Variants in CCDC68 observed in about 807,000 individuals in gnomAD.
CCDC68 encodes the protein coiled-coil domain-containing protein 68.
Under a neutral mutation model 47.1 loss-of-function variants are expected in CCDC68, and 45 were observed. The observed-to-expected ratio is 0.96, with a 90% CI of 0.75 to 1.23. The LOEUF (loss-of-function observed/expected upper bound fraction) is 1.23, where lower values mean the gene tolerates loss of function less well. Among genes scored for constraint, CCDC68 ranks in the 50% most tolerant of loss-of-function variants. The pLI, the probability that CCDC68 is intolerant of heterozygous loss-of-function variation, is 0.00. For missense variants in CCDC68, 353 were observed against 373.6 expected (o/e 0.94, Z 0.45); for synonymous variants, 131 against 129.5 (o/e 1.01, Z -0.08).
intron 10 of CCDC68, among the ~76,000 whole-genome samples, chr18:54,910,254 C>T (rs552475231): frequency 5.6e-4 from 85 of 152,278 alleles, no homozygotes; most frequent in African/African-American, 1.9e-3. Flanking sequence ...GCTGCCCCAT[C>T]GTCTGTGCAG....
rs1490186430 is a variant in CCDC68 at position 54,959,358 on chromosome 18, C to T, written c.-125G>A. 5.3e-5 allele frequency: 8 copies of T among 152,240 alleles called. No homozygotes were observed. The highest frequency in any genetic ancestry group is 8.8e-5 in the Non-Finnish European group (6 of 68,100). 9.4% of individuals were successfully genotyped at this position (152,240 alleles called of 1,614,324 possible). A position where few individuals can be genotyped will look rare whatever the true frequency, so the allele number is the denominator to read the frequency against. On this transcript the variant is annotated 5_prime_UTR_variant, in exon 1 of 12. Coordinates refer to ENST00000591504, the MANE Select transcript of CCDC68 (RefSeq NM_025214.3). ...TACCTTGTGGGGCGCCCAGCCGACG[C>T]GGGGTCCCGGTGCTGCTCCTCCCCT...
At chr18:54,953,421 GAAGT>G (rs2044652049) in intron 1 of CCDC68, among the ~76,000 whole-genome samples, 1 of 152,070 alleles carries the variant, frequency 6.6e-6, no homozygotes, top group Admixed American at 6.5e-5. Flanking sequence ...GATTTTATCA[GAAGT>G]AACTGGAAGC....
chr18:54,920,190 C>T (rs893539362), intron 8 of CCDC68, among the ~76,000 whole-genome samples: 4 of 151,624 alleles, frequency 2.6e-5, no homozygotes, highest in Non-Finnish European at 4.4e-5. Context: ...GTCACTTGGC[C>T]TTTGCTCTTA....
chr18:54,932,126 A>C (rs7229012), intron 7 of CCDC68, among the ~76,000 whole-genome samples: 4 of 151,856 alleles, frequency 2.6e-5, no homozygotes, highest in Non-Finnish European at 5.9e-5. Flanking sequence ...GCCAAACTTC[A>C]TTCCTTATAG....
intron 10 of CCDC68, among the ~76,000 whole-genome samples, chr18:54,910,903 G>A (rs539982875): frequency 6.6e-6 from 1 of 152,340 alleles, no homozygotes; most frequent in East Asian, 1.9e-4. Flanking sequence ...AGGCACTTCC[G>A]AGCCTGCAAG....
intron 8 of CCDC68, among the ~76,000 whole-genome samples, chr18:54,925,059 A>G (rs954935637): frequency 6.6e-6 from 1 of 152,188 alleles, no homozygotes; most frequent in Admixed American, 6.5e-5. Flanking sequence ...TTATAGATAG[A>G]TAAGAAATAA....
chr18:54,905,991 C>G (rs933219546), intron 11 of CCDC68, among the ~76,000 whole-genome samples: 1 of 152,172 alleles, frequency 6.6e-6, no homozygotes. Flanking sequence ...TGTCTCACCC[C>G]CAGATGGGAC....
intron 8 of CCDC68, among the ~76,000 whole-genome samples, chr18:54,920,174 G>A (rs772164861): frequency 1.0e-3 from 159 of 151,962 alleles, no homozygotes; most frequent in Admixed American, 1.8e-3. Context: ...TTGTGACCTC[G>A]GAGAAGTCAC....
Position 54,942,730 on chromosome 18 carries a change from G to A in CCDC68, c.62C>T (p.Ala21Val), listed in dbSNP as rs770613452. The part of the protein sequence containing the change: ...PPRDKMEDNS[A>V]LYESTSAHII... ...GTGAGCGGACGTAGACTCATACAAG[G>A]CAGAATTATCTTCCATCTTATCCCT... The change falls in exon 3 of 12, where the codon GCC becomes GTC. Residue 21 changes from alanine to valine, a missense_variant. Physicochemically the swap from Ala to Val is moderately conservative, Grantham distance 64. Transcript: ENST00000591504. The A allele has an allele frequency of 1.9e-6, 3 of 1,612,482 alleles. No homozygotes were observed. Among genetic ancestry groups the A allele is most frequent in the Admixed American group, 3.3e-5 (2 of 59,744 alleles).
At chr18:54,905,642 C>G (rs1289974707) in intron 11 of CCDC68, among the ~76,000 whole-genome samples, 1 of 152,034 alleles carries the variant, frequency 6.6e-6, no homozygotes, top group East Asian at 1.9e-4. Flanking sequence ...ACCAAACTAC[C>G]ACTTACATTT....
chr18:54,910,605 C>T (rs1914301411), intron 10 of CCDC68, among the ~76,000 whole-genome samples: 2 of 152,202 alleles, frequency 1.3e-5, no homozygotes, highest in Admixed American at 6.5e-5. Context: ...CCCCTTCTGC[C>T]CAGGAGCCTG....
intron 10 of CCDC68, among the ~76,000 whole-genome samples, chr18:54,917,431 G>A (rs2043972847): frequency 6.6e-6 from 1 of 152,120 alleles, no homozygotes; most frequent in Admixed American, 6.5e-5. Flanking sequence ...CCCATATCGA[G>A]AGAAGTTATC....
At chr18:54,906,293 A>C (rs1408288653) in intron 11 of CCDC68, among the ~76,000 whole-genome samples, 1 of 152,172 alleles carries the variant, frequency 6.6e-6, no homozygotes, top group African/African-American at 2.4e-5. Context: ...CACTTCAATT[A>C]GGAAATTTCC....
At chr18:54,956,110 C>T (rs1234965210) in intron 1 of CCDC68, among the ~76,000 whole-genome samples, 1 of 152,108 alleles carries the variant, frequency 6.6e-6, no homozygotes, top group Non-Finnish European at 1.5e-5. Context: ...CTGCCTCAGC[C>T]TCCCGAGTAG....
chr18:54,938,100 G>A lies in CCDC68; in HGVS notation c.205-3C>T. Reference sequence around the variant, plus strand: ...CCCTGTTGAAGGTTTCCACAGTGCTGAAACGGACAAATGAAAATCATAGAC... The same window carrying A: ...CCCTGTTGAAGGTTTCCACAGTGCTAAAACGGACAAATGAAAATCATAGAC... On this transcript the variant is annotated splice_polypyrimidine_tract_variant and splice_region_variant and intron_variant, in intron 4 of 11. Coordinates refer to ENST00000591504, the MANE Select transcript of CCDC68 (RefSeq NM_025214.3). 6.2e-7 allele frequency: 1 copy of A among 1,605,246 alleles called. No homozygotes were observed. Among genetic ancestry groups the A allele is most frequent in the Non-Finnish European group, 8.5e-7 (1 of 1,177,506 alleles).
intron 8 of CCDC68, among the ~76,000 whole-genome samples, chr18:54,922,400 G>A (rs577603540): frequency 9.9e-5 from 15 of 152,242 alleles, no homozygotes; most frequent in South Asian, 2.1e-4. Flanking sequence ...TCAGAAGTCC[G>A]GGGAGATTGG....
chr18:54,916,601 A>T (rs1282630951), intron 10 of CCDC68, among the ~76,000 whole-genome samples: 1 of 152,142 alleles, frequency 6.6e-6, no homozygotes, highest in Non-Finnish European at 1.5e-5. Context: ...TTTGACAGAG[A>T]CAGAAGCAGA....
chr18:54,953,063 G>A (rs997746518), intron 1 of CCDC68, among the ~76,000 whole-genome samples: 10 of 151,942 alleles, frequency 6.6e-5, no homozygotes, highest in African/African-American at 2.2e-4. Context: ...ATAGATAAGT[G>A]TCAAATGCAT....
At chr18:54,932,598 G>C (rs1215467067) in intron 7 of CCDC68, among the ~76,000 whole-genome samples, 1 of 152,154 alleles carries the variant, frequency 6.6e-6, no homozygotes, top group Non-Finnish European at 1.5e-5. Flanking sequence ...GAAAGTCACT[G>C]AACTATTCTG....
Sources: allele counts gnomAD v4.1 joint callset (sites outside exome capture counted in the v4.1 genomes callset), GRCh38; gene constraint gnomAD v4.1.1; transcripts MANE v1.5; gene names NCBI Gene and HGNC (gene_info 2026-07-23, HGNC 2026-07-21).